The following JAG2 variants were observed in gnomAD, a reference collection of about 807,000 sequenced individuals.
JAG2 encodes protein jagged-2.
In JAG2, 46 loss-of-function variants were observed where a neutral mutation model predicts 141.7. The ratio of observed to expected loss-of-function variants is 0.32; its 90% CI spans 0.26 to 0.42. The LOEUF is 0.42. Among genes scored for constraint, JAG2 ranks in the 10% least tolerant of loss-of-function variants. The probability of loss-of-function intolerance (pLI) is 1.00; values close to 1 mark genes in which losing one functional copy is unlikely to be tolerated. For synonymous variants in JAG2, 862 were observed against 763.5 expected (o/e 1.13, Z -2.13); for missense variants, 1,500 against 1,817.5 (o/e 0.83, Z 3.18).
Position 105,151,739 on chromosome 14 carries a change from G to A in JAG2, c.1040C>T (p.Ala347Val), listed in dbSNP as rs758385958. 1.2e-6 allele frequency: 2 copies of A among 1,608,870 alleles called. No homozygotes were observed. The highest frequency in any genetic ancestry group is 2.2e-5 in the East Asian group (1 of 44,698). Residue 347 changes from alanine (A) to valine (V), a missense_variant and splice_region_variant, in exon 8 of 26, where the codon GCT (alanine) becomes GTT (valine). Physicochemically the swap from Ala to Val is moderately conservative, Grantham distance 64. Coordinates refer to ENST00000331782, the MANE Select transcript of JAG2 (RefSeq NM_002226.5). Reference sequence around the variant, plus strand: ...CGGGTTGGAGGTGCAGGCGTGCTCAGCTGTAGAACCGCGGGGAGGGGGCAG... The same window carrying A: ...CGGGTTGGAGGTGCAGGCGTGCTCAACTGTAGAACCGCGGGGAGGGGGCAG... ...DGYSGRNCEK[A>V]EHACTSNPCA...
intron 2 of JAG2, among the ~76,000 whole-genome samples, chr14:105,163,119 G>A (rs1034343215): frequency 2.6e-5 from 4 of 152,032 alleles, no homozygotes; most frequent in Admixed American, 6.5e-5. Flanking sequence ...TCGGCCTCCC[G>A]CATCAGCCTC....
chr14:105,149,659 G>A (rs1872979687), intron 12 of JAG2, among the ~76,000 whole-genome samples: 1 of 150,378 alleles, frequency 6.6e-6, no homozygotes. Flanking sequence ...CAAGACTGTG[G>A]GTCTTTTCCA....
In JAG2 at chr14:105,150,608, C is replaced by G; in HGVS notation, c.1598G>C (p.Cys533Ser). 6.5e-7 allele frequency: 1 copy of G among 1,548,224 alleles called. No individual in the cohort carries two copies. The highest frequency in any genetic ancestry group is 8.7e-7 in the Non-Finnish European group (1 of 1,145,908). The change falls in exon 12 of 26, where the codon TGT becomes TCT. Residue 533 changes from cysteine to serine, a missense_variant. Physicochemically the swap from Cys to Ser is moderately radical, Grantham distance 112. Transcript: ENST00000331782. ...HCPQGFSGPL[C>S]EVDVDLCEPS... ...GGGTGACCAGGCAGACCTCACCTCACAGAGAGGCCCGGAGAAGCCCTGGGG... is the reference window on the plus strand; with the variant it reads ...GGGTGACCAGGCAGACCTCACCTCAGAGAGAGGCCCGGAGAAGCCCTGGGG...
chr14:105,149,361 C>T, intron 12 of JAG2, 41 bp from the exon 13 acceptor site: 3 of 1,611,914 alleles, frequency 1.9e-6, no homozygotes, highest in Non-Finnish European at 2.5e-6. Flanking sequence ...AGGCCCAGGC[C>T]CAGGCCGGGA....
intron 2 of JAG2, among the ~76,000 whole-genome samples, chr14:105,163,762 C>A (rs1162402319): frequency 6.6e-6 from 1 of 150,806 alleles, no homozygotes. Flanking sequence ...GACCTGGGGA[C>A]AGGGACCCAG....
intron 2 of JAG2, among the ~76,000 whole-genome samples, chr14:105,162,439 A>T (rs1888775226): frequency 2.4e-5 from 1 of 42,086 alleles, no homozygotes; most frequent in African/African-American, 7.7e-5. Context: ...CAGGCAGACA[A>T]GACAATAGAT....
At chr14:105,159,296 A>T (rs968755564) in intron 2 of JAG2, among the ~76,000 whole-genome samples, 7 of 151,986 alleles carry the variant, frequency 4.6e-5, no homozygotes, top group Non-Finnish European at 7.4e-5. Flanking sequence ...CCCAGGTAGG[A>T]GCACAGGATG....
intron 7 of JAG2, 49 bp downstream of exon 7, chr14:105,151,889 G>T (rs772749113): frequency 6.2e-6 from 10 of 1,611,804 alleles, no homozygotes; most frequent in Non-Finnish European, 1.7e-6. Context: ...GCTCCCCAGG[G>T]AACCAGTCCC....
rs773316845 is a variant in JAG2 at position 105,142,825 on chromosome 14, A to T, written c.3587T>A (p.Phe1196Tyr). 2 of 1,610,744 alleles carry T rather than the reference A, an allele frequency of 1.2e-6. No homozygotes were observed. Among genetic ancestry groups the T allele is most frequent in the East Asian group, 4.5e-5 (2 of 44,814 alleles). ...ATCTTTGGTGAATTTGTGTGAGAGG[A>T]ACTTCTCCGCCTCCAGGGAGTCCTC... Reference protein sequence around the residue: ...GEEDSLEAEKFLSHKFTKDPG... With the variant: ...GEEDSLEAEKYLSHKFTKDPG... Residue 1196 changes from phenylalanine (F) to tyrosine (Y), a missense_variant, in exon 26 of 26, where the codon TTC (phenylalanine) becomes TAC (tyrosine). Physicochemically the swap from Phe to Tyr is conservative, Grantham distance 22. Coordinates refer to ENST00000331782, the MANE Select transcript of JAG2 (RefSeq NM_002226.5).
intron 2 of JAG2, among the ~76,000 whole-genome samples, chr14:105,166,599 G>A (rs962707941): frequency 3.9e-5 from 6 of 152,356 alleles, no homozygotes; most frequent in Admixed American, 3.9e-4. Flanking sequence ...TGGGAGCTCA[G>A]GAAGCGGTGA....
Position 105,154,553 on chromosome 14 carries a change from G to A in JAG2, c.788+1009C>T, listed in dbSNP as rs587768950. ...TGGGTCCAGAGGCCTCCACCATCTGGACTTGGCTGTAAGACCCCGGACACT... is the reference window on the plus strand; with the variant it reads ...TGGGTCCAGAGGCCTCCACCATCTGAACTTGGCTGTAAGACCCCGGACACT... On this transcript the variant is annotated intron_variant, in intron 5 of 25. Coordinates refer to ENST00000331782, the MANE Select transcript of JAG2 (RefSeq NM_002226.5). This position sits in a 1 kb window ranked among gnomAD's most constrained non-coding sequence, Gnocchi z 4.4. 2.0e-5 allele frequency among the ~76,000 whole-genome samples: 3 copies of A among 152,256 alleles called. No individual in the cohort carries two copies. The South Asian group carries it at 6.2e-4, about 32-fold the overall frequency.
Position 105,159,058 on chromosome 14 carries a change from C to T in JAG2, c.418-1295G>A, listed in dbSNP as rs1022916112. Among the ~76,000 whole-genome samples the T allele has an allele frequency of 5.1e-4, 77 of 152,140 alleles. 1 individual carries two copies. The highest frequency in any genetic ancestry group is 6.5e-4 in the Non-Finnish European group (44 of 67,974). On this transcript the variant is annotated intron_variant, in intron 2 of 25. Coordinates refer to ENST00000331782, the MANE Select transcript of JAG2 (RefSeq NM_002226.5). ...TCCCAAGATGTCTCAGAAGACTGCA[C>T]TCCCACGTCCAGCCCCTCCCCTAAC...
rs1018295165 is a variant in JAG2, at chr14:105,145,905, C to T, written c.2778G>A (p.Leu926=). ...GGGCCTTCTCCAGGCACCTTTGCCC[C>T]AGTGGGCACTGGGCGCTCAGGGCCT... ...QPEALSAQCP[L]GQRCLEKAPG... is the part of the protein sequence containing the mutation. The change falls in exon 23 of 26, where the codon CTG becomes CTA. Residue 926 remains leucine, a synonymous_variant. Coordinates refer to ENST00000331782, the MANE Select transcript of JAG2 (RefSeq NM_002226.5). 1.9e-6 allele frequency: 3 copies of T among 1,568,292 alleles called. No homozygotes were observed. Among genetic ancestry groups the T allele is most frequent in the African/African-American group, 2.7e-5 (2 of 73,776 alleles).
At chr14:105,160,703 A>G (rs933014750) in intron 2 of JAG2, among the ~76,000 whole-genome samples, 2 of 152,030 alleles carry the variant, frequency 1.3e-5, no homozygotes, top group African/African-American at 4.8e-5. Flanking sequence ...TCTCTACTAA[A>G]AATATAAAAA....
intron 2 of JAG2, among the ~76,000 whole-genome samples, chr14:105,166,912 A>G (rs1471942293): frequency 1.3e-5 from 2 of 152,174 alleles, no homozygotes; most frequent in Non-Finnish European, 2.9e-5. Flanking sequence ...TCTGGGCACC[A>G]GGGCAAGGCC....
At chr14:105,153,191 G>A (rs1361344769) in intron 5 of JAG2, among the ~76,000 whole-genome samples, 2 of 152,202 alleles carry the variant, frequency 1.3e-5, no homozygotes, top group East Asian at 1.9e-4. Flanking sequence ...CTTTATTTTT[G>A]TAAAAGGAAA....
At chr14:105,163,664 G>A (rs3784237) in intron 2 of JAG2, among the ~76,000 whole-genome samples, 98,989 of 150,302 alleles carry the variant, frequency 0.66, 32,956 homozygotes, top group African/African-American at 0.74. Context: ...GTGGTCTGGG[G>A]ACAGTGACCT....
intron 2 of JAG2, among the ~76,000 whole-genome samples, chr14:105,165,384 C>A (rs1210311469): frequency 6.6e-6 from 1 of 152,248 alleles, no homozygotes; most frequent in Non-Finnish European, 1.5e-5. Context: ...CCTCACCCTG[C>A]CAGCTACAAG....
chr14:105,150,569 C>CAG, intron 12 of JAG2, 35 bp downstream of exon 12: 1 of 1,535,212 alleles, frequency 6.5e-7, no homozygotes, highest in Non-Finnish European at 8.8e-7. Flanking sequence ...GCTCCCAGAG[C>CAG]AGCAGGTGGG....
Sources: gnomAD v4.1 joint callset for allele counts (sites outside exome capture counted in the v4.1 genomes callset) on GRCh38, gnomAD v4.1.1 for gene constraint, Gnocchi (gnomAD v3.1) non-coding constraint, MANE v1.5 for transcripts, NCBI Gene and HGNC (gene_info 2026-07-23, HGNC 2026-07-21) for gene names.